TYW1B: variants seen among roughly 807,000 people sequenced by gnomAD.
TYW1B encodes S-adenosyl-L-methionine-dependent tRNA 4-demethylwyosine synthase TYW1B.
A neutral mutation model predicts 86.9 loss-of-function variants in TYW1B; 73 were observed. The ratio of observed to expected loss-of-function variants is 0.84; its 90% CI spans 0.70 to 1.02. TYW1B has a LOEUF of 1.02. Ranked by LOEUF, TYW1B falls within the 50% of genes least tolerant of loss-of-function variation. TYW1B has a pLI of 0.00. For missense variants in TYW1B, 637 were observed against 827.4 expected (o/e 0.77, Z 2.82); for synonymous variants, 248 against 292.8 (o/e 0.85, Z 1.56).
intron 12 of TYW1B, among the ~76,000 whole-genome samples, chr7:72,627,455 A>AGTAACATAAC (rs1467679402): frequency 1.7e-3 from 129 of 74,354 alleles, no homozygotes; most frequent in African/African-American, 8.2e-3. Flanking sequence ...CTCAAAAAAC[A>AGTAACATAAC]GTAACATAAC....
At chr7:72,612,536 T>C (rs1332933329) in intron 13 of TYW1B, among the ~76,000 whole-genome samples, 1 of 152,076 alleles carries the variant, frequency 6.6e-6, no homozygotes, top group East Asian at 1.9e-4. Context: ...ATAGATAGCT[T>C]ATCAGGTGCA....
intron 9 of TYW1B, among the ~76,000 whole-genome samples, chr7:72,727,811 C>CAAAA (rs10714290): frequency 4.6e-5 from 5 of 107,650 alleles, no homozygotes; most frequent in African/African-American, 1.4e-4. Flanking sequence ...AGATCCGGTC[C>CAAAA]AAAAAAAAAA....
intron 13 of TYW1B, among the ~76,000 whole-genome samples, chr7:72,609,888 T>G (rs1183503461): frequency 6.6e-6 from 1 of 152,134 alleles, no homozygotes; most frequent in Non-Finnish European, 1.5e-5. Context: ...TGAGCCTTGT[T>G]TTACTTTTTG....
At position 72,812,377 on chromosome 7, in the gene TYW1B, G is replaced by A. The variant is rs114827131; in HGVS notation, c.238-1712C>T. 6.6e-3 allele frequency among the ~76,000 whole-genome samples: 1,011 copies of A among 152,222 alleles called. 15 individuals carry two copies. Among genetic ancestry groups the A allele is most frequent in the African/African-American group, 0.021 (870 of 41,548 alleles). On this transcript the variant is annotated intron_variant, in intron 3 of 13. Transcript: ENST00000620995. ...GTGGCCTCCTGTCAGCGCTCCAGAA[G>A]TGTAGATTTTAAAGCATTTCCAATT...
At chr7:72,587,704 C>T (rs1284879846) in intron 13 of TYW1B, among the ~76,000 whole-genome samples, 1 of 152,180 alleles carries the variant, frequency 6.6e-6, no homozygotes, top group Non-Finnish European at 1.5e-5. Flanking sequence ...ACACTAATTT[C>T]TAATCGTTTG....
chr7:72,800,336 T>TACGG (rs1788383275), intron 6 of TYW1B, among the ~76,000 whole-genome samples: 1 of 152,050 alleles, frequency 6.6e-6, no homozygotes, highest in Admixed American at 6.6e-5. Flanking sequence ...CAGTTGTGAC[T>TACGG]ACGGGCACAT....
intron 11 of TYW1B, among the ~76,000 whole-genome samples, chr7:72,652,621 G>C (rs146483118): frequency 0.013 from 1,940 of 150,880 alleles, 32 homozygotes; most frequent in African/African-American, 0.043. Flanking sequence ...AGTTATACTG[G>C]TGAGTTGAAC....
chr7:72,782,412 G>A (rs1246814126), intron 6 of TYW1B, among the ~76,000 whole-genome samples: 1 of 152,180 alleles, frequency 6.6e-6, no homozygotes, highest in Admixed American at 6.5e-5. Context: ...AAACTGATTT[G>A]CTGAAGACTT....
intron 6 of TYW1B, among the ~76,000 whole-genome samples, chr7:72,781,247 C>G (rs537185383): frequency 2.6e-5 from 4 of 152,106 alleles, no homozygotes; most frequent in African/African-American, 9.6e-5. Context: ...ACAAGCAGAA[C>G]CAAAGGGCTC....
intron 11 of TYW1B, among the ~76,000 whole-genome samples, chr7:72,682,911 C>T (rs1554448658): frequency 6.6e-6 from 1 of 152,174 alleles, no homozygotes; most frequent in East Asian, 1.9e-4. Flanking sequence ...GGGCCCTACA[C>T]TTTTGTGAGT....
intron 11 of TYW1B, among the ~76,000 whole-genome samples, chr7:72,689,121 A>C (rs1295538042): frequency 1.3e-5 from 2 of 152,202 alleles, no homozygotes; most frequent in Non-Finnish European, 2.9e-5. Context: ...AGATATCCAG[A>C]TTAGCCAGAT....
intron 13 of TYW1B, among the ~76,000 whole-genome samples, chr7:72,594,339 A>AT (rs1420938529): frequency 7.2e-6 from 1 of 139,116 alleles, no homozygotes; most frequent in Admixed American, 7.4e-5. Flanking sequence ...CCAATTCTGC[A>AT]TTAAAAAAAA....
At chr7:72,655,051 C>T (rs1232415499) in intron 11 of TYW1B, among the ~76,000 whole-genome samples, 5 of 152,056 alleles carry the variant, frequency 3.3e-5, no homozygotes, top group Non-Finnish European at 7.4e-5. Flanking sequence ...TAGGAGATGT[C>T]ATCAAGATGG....
chr7:72,808,387 G>C (rs35713969), intron 4 of TYW1B, among the ~76,000 whole-genome samples: 8,480 of 152,050 alleles, frequency 0.056, 546 homozygotes, highest in East Asian at 0.33. Flanking sequence ...GGAGGTCGAG[G>C]CTGCAGCAAG....
At chr7:72,584,401 C>A (rs1811225508) in intron 13 of TYW1B, among the ~76,000 whole-genome samples, 1 of 151,678 alleles carries the variant, frequency 6.6e-6, no homozygotes, top group African/African-American at 2.4e-5. Flanking sequence ...TGCAATATCC[C>A]TAAGTTAACT....
chr7:72,814,193 G>C (rs375302748), intron 3 of TYW1B, among the ~76,000 whole-genome samples: 1 of 151,874 alleles, frequency 6.6e-6, no homozygotes, highest in Non-Finnish European at 1.5e-5. Flanking sequence ...TTCGAAATAC[G>C]GGGGAAGGCT....
At position 72,744,489 on chromosome 7, in the gene TYW1B, A is replaced by T. The variant is rs1554463118; in HGVS notation, c.1077T>A (p.Cys359Ter). 1 of 1,613,520 alleles carries T rather than the reference A, an allele frequency of 6.2e-7. No individual in the cohort carries two copies. Among genetic ancestry groups the T allele is most frequent in the Admixed American group, 1.7e-5 (1 of 59,974 alleles). ...GACCTTTCATTTTTACTTACCACCA[A>T]CAGAAGACACATTTATTAGCACACG... The part of the protein sequence containing the change: ...SLACANKCVF[C>*]WWHHNNPVGT... Residue 359 changes from cysteine to a stop codon, truncating the protein, a stop_gained, in exon 8 of 14, where the codon TGT becomes TGA. Transcript: ENST00000620995. LOFTEE classifies it high-confidence loss of function.
rs10239647 is a variant in TYW1B at position 72,767,467 on chromosome 7, G to T, written c.964+9949C>A. On this transcript the variant is annotated intron_variant, in intron 7 of 13. Coordinates refer to ENST00000620995, the MANE Select transcript of TYW1B (RefSeq NM_001145440.3). ...AAAAATACAAAAAAAAAAATTAGCC[G>T]GGTGTGGTGGCGGGCGCCTGTAGTC... Among the ~76,000 whole-genome samples, 1,263 of 151,824 alleles carry T rather than the reference G, an allele frequency of 8.3e-3. 19 individuals are homozygous for T. The highest frequency in any genetic ancestry group is 0.028 in the African/African-American group (1,173 of 41,418).
intron 9 of TYW1B, among the ~76,000 whole-genome samples, chr7:72,718,625 G>A (rs1249097319): frequency 6.6e-6 from 1 of 151,992 alleles, no homozygotes; most frequent in African/African-American, 2.4e-5. Flanking sequence ...ATTTTTGGAT[G>A]GATGAATAAT....
Sources: gnomAD v4.1 joint callset for allele counts (sites outside exome capture counted in the v4.1 genomes callset) on GRCh38, gnomAD v4.1.1 for gene constraint, MANE v1.5 for transcripts, NCBI Gene and HGNC (gene_info 2026-07-23, HGNC 2026-07-21) for gene names.